CPN2: variants seen among roughly 807,000 people sequenced by gnomAD.
CPN2 encodes carboxypeptidase N 83 kDa chain.
For missense variants in CPN2, 620 were observed against 671.4 expected (o/e 0.92, Z 0.85); for synonymous variants, 336 against 318.4 (o/e 1.06, Z -0.59).
Position 194,349,823 on chromosome 3 carries a change from CAG to C in CPN2, c.-4+1417_-4+1418del, listed in dbSNP as rs1277838992. On this transcript the variant is annotated intron_variant, in intron 1 of 1. Transcript: ENST00000323830. Reference sequence around the variant, plus strand: ...TTTTTTTTTTTTTTTTTTTTTGAGACAGAGTTTCACTCTTGTTTCCCAGGCTG... The same window carrying C: ...TTTTTTTTTTTTTTTTTTTTTGAGACAGTTTCACTCTTGTTTCCCAGGCTG... Among the ~76,000 whole-genome samples, 195 of 71,456 alleles carry C rather than the reference CAG, an allele frequency of 2.7e-3. 6 individuals carry two copies. The highest frequency in any genetic ancestry group is 9.7e-3 in the African/African-American group (181 of 18,576). 46.9% of individuals were successfully genotyped at this position (71,456 alleles called of 152,430 possible).
At position 194,341,753 on chromosome 3, in the gene CPN2, G is replaced by T. The variant is rs1380930772; in HGVS notation, c.950C>A (p.Ser317Tyr). Residue 317 changes from serine to tyrosine, a missense_variant, in exon 2 of 2, where the codon TCC becomes TAC. Transcript: ENST00000323830. Reference sequence around the variant, plus strand: ...AATGGCATTGTATGAGAGCATGAGGGAACGCAGGTTGGACAGGTGGGCAAA... The same window carrying T: ...AATGGCATTGTATGAGAGCATGAGGTAACGCAGGTTGGACAGGTGGGCAAA... ...GTFAHLSNLR[S>Y]LMLSYNAITH... The T allele has an allele frequency of 3.7e-6, 6 of 1,614,122 alleles. No individual in the cohort carries two copies. Among genetic ancestry groups the T allele is most frequent in the Non-Finnish European group, 5.1e-6 (6 of 1,180,014 alleles).
At chr3:194,348,771 A>G (rs1042305331) in intron 1 of CPN2, among the ~76,000 whole-genome samples, 6 of 152,124 alleles carry the variant, frequency 3.9e-5, no homozygotes, top group African/African-American at 1.4e-4. Flanking sequence ...GCATGCTTGT[A>G]GTCTCAACTA....
chr3:194,349,647 G>A (rs1713186205), intron 1 of CPN2, among the ~76,000 whole-genome samples: 1 of 152,104 alleles, frequency 6.6e-6, no homozygotes, highest in Non-Finnish European at 1.5e-5. Flanking sequence ...TTCTGGAAGA[G>A]AAGACAGCTG....
At position 194,340,593 on chromosome 3, in the gene CPN2, C is replaced by G. The variant is rs1712764136; in HGVS notation, c.*472G>C. ...TTTCTGGTCATCTCTGCTTCTGTCA[C>G]ATCCTTTTTTTCTCTATACCAATTT... On this transcript the variant is annotated 3_prime_UTR_variant, in exon 2 of 2. Coordinates refer to ENST00000323830, the MANE Select transcript of CPN2 (RefSeq NM_001080513.4). 6.4e-6 allele frequency: 1 copy of G among 156,434 alleles called. No homozygotes were observed. 9.7% of individuals were successfully genotyped at this position (156,434 alleles called of 1,614,324 possible).
Position 194,341,497 on chromosome 3 carries a change from G to A in CPN2, c.1206C>T (p.His402=), listed in dbSNP as rs905953212. Residue 402 remains histidine, a synonymous_variant, in exon 2 of 2, where the codon CAC becomes CAT. Transcript: ENST00000323830. The part of the protein sequence containing the change: ...LHGNPWQCDC[H]LAYLFNWLQQ... ...GCAGCCAGTTGAAGAGGTAGGCCAG[G>A]TGGCAGTCGCACTGCCAGGGGTTAC... The A allele has an allele frequency of 8.7e-6, 14 of 1,614,242 alleles. No homozygotes were observed. The highest frequency in any genetic ancestry group is 1.2e-5 in the Non-Finnish European group (14 of 1,180,050).
chr3:194,348,311 C>T (rs369163330), intron 1 of CPN2, among the ~76,000 whole-genome samples: 6 of 145,362 alleles, frequency 4.1e-5, no homozygotes, highest in African/African-American at 1.5e-4. Context: ...CCACCCCATC[C>T]GCTGCCCAGT....
chr3:194,349,669 T>A (rs1049851410), intron 1 of CPN2, among the ~76,000 whole-genome samples: 1 of 151,178 alleles, frequency 6.6e-6, no homozygotes, highest in Non-Finnish European at 1.5e-5. Flanking sequence ...CAGGTTGAAC[T>A]AAGAGGCCGT....
At chr3:194,343,828 A>G (rs959668054) in intron 1 of CPN2, among the ~76,000 whole-genome samples, 20 of 152,234 alleles carry the variant, frequency 1.3e-4, no homozygotes, top group Non-Finnish European at 2.9e-5. Flanking sequence ...TAGAGTGAGT[A>G]ATTAATCAAC....
chr3:194,346,541 G>C (rs1017098772), intron 1 of CPN2, among the ~76,000 whole-genome samples: 2 of 152,196 alleles, frequency 1.3e-5, no homozygotes, highest in Non-Finnish European at 2.9e-5. Flanking sequence ...ACTCGGGAGT[G>C]GCTACGAGTC....
intron 1 of CPN2, among the ~76,000 whole-genome samples, chr3:194,347,003 C>T (rs1451661390): frequency 6.6e-6 from 1 of 152,174 alleles, no homozygotes; most frequent in Non-Finnish European, 1.5e-5. Context: ...CCAGCCTGGC[C>T]TCAAGAAAGC....
At chr3:194,343,583 A>C (rs1350240391) in intron 1 of CPN2, among the ~76,000 whole-genome samples, 1 of 152,212 alleles carries the variant, frequency 6.6e-6, no homozygotes, top group Non-Finnish European at 1.5e-5. Context: ...CCAGGCCGCC[A>C]CTGTTCCCAT....
At position 194,341,429 on chromosome 3, in the gene CPN2, G is replaced by A; in HGVS notation, c.1274C>T (p.Ala425Val). ...DRLLNIQTYC[A>V]GPAYLKGQVV... ...CTGGCCTTTGAGGTAGGCAGGGCCAGCGCAGTAGGTCTGGATGTTCAGGAG... is the reference window on the plus strand; with the variant it reads ...CTGGCCTTTGAGGTAGGCAGGGCCAACGCAGTAGGTCTGGATGTTCAGGAG... Residue 425 changes from alanine to valine, a missense_variant, in exon 2 of 2, where the codon GCT becomes GTT. Physicochemically the swap from Ala to Val is moderately conservative, Grantham distance 64. Coordinates refer to ENST00000323830, the MANE Select transcript of CPN2 (RefSeq NM_001080513.4). The A allele has an allele frequency of 1.9e-6, 3 of 1,614,200 alleles. No individual in the cohort carries two copies. The highest frequency in any genetic ancestry group is 2.5e-6 in the Non-Finnish European group (3 of 1,180,042).
At chr3:194,342,732 G>A (rs2108647449) in intron 1 of CPN2, 27 bp from the exon 2 acceptor site, 2 of 1,004,668 alleles carry the variant, frequency 2.0e-6, no homozygotes, top group South Asian at 1.5e-5. Flanking sequence ...AGAGAGAACA[G>A]GAAGAGAAAC....
intron 1 of CPN2, among the ~76,000 whole-genome samples, chr3:194,348,634 T>C (rs961543281): frequency 1.3e-5 from 2 of 152,212 alleles, no homozygotes; most frequent in African/African-American, 4.8e-5. Context: ...CTCATGCCTG[T>C]CATCCCAGCA....
rs1478187878 is a variant in CPN2, at chr3:194,341,714, G to C, written c.989C>G (p.Ala330Gly). The change falls in exon 2 of 2, where the codon GCT (alanine) becomes GGT (glycine). Residue 330 changes from alanine to glycine, a missense_variant. By Grantham distance (60) the Ala-to-Gly change is moderately conservative. Transcript: ENST00000323830. ...CTCCTCCAGGTCTCTGAAGATGCCA[G>C]CTGGGAGGTGGGTAATGGCATTGTA... ...LSYNAITHLP[A>G]GIFRDLEELV... 1.9e-6 allele frequency: 3 copies of C among 1,614,168 alleles called. No individual in the cohort carries two copies.
chr3:194,341,838 G>A lies in CPN2; in HGVS notation c.865C>T (p.Pro289Ser). The change falls in exon 2 of 2, where the codon CCG (proline) becomes TCG (serine). Residue 289 changes from proline to serine, a missense_variant. Transcript: ENST00000323830. ...GTCAGAGACAGGCCAACCAGGCACG[G>A]GGTGTGGGCAAAGAGGCCGGCAGGC... ...VLPAGLFAHT[P>S]CLVGLSLTHN... 11 of 1,613,996 alleles carry A rather than the reference G, an allele frequency of 6.8e-6. No homozygotes were observed. Among genetic ancestry groups the A allele is most frequent in the Non-Finnish European group, 9.3e-6 (11 of 1,179,852 alleles).
chr3:194,341,932 C>G lies in CPN2; in HGVS notation c.771G>C (p.Pro257=). 6.2e-7 allele frequency: 1 copy of G among 1,614,080 alleles called. No individual in the cohort carries two copies. The highest frequency in any genetic ancestry group is 8.5e-7 in the Non-Finnish European group (1 of 1,180,030). ...WLQRNAITHL[P]LSIFASLGNL... is the part of the protein sequence containing the mutation. ...TACCCAGGGAGGCAAAGATGGAGAG[C>G]GGCAGGTGCGTGATGGCGTTGCGTT... Residue 257 remains proline, a synonymous_variant, in exon 2 of 2, where the codon CCG becomes CCC. Transcript: ENST00000323830.
At chr3:194,351,060 C>T (rs1227835149) in intron 1 of CPN2, among the ~76,000 whole-genome samples, 182 bp downstream of exon 1, 1 of 152,204 alleles carries the variant, frequency 6.6e-6, no homozygotes, top group Admixed American at 6.5e-5. Context: ...TTCCTCCTGC[C>T]TCTTCCCAGC....
chr3:194,345,072 C>G (rs1378397438), intron 1 of CPN2, among the ~76,000 whole-genome samples: 1 of 152,242 alleles, frequency 6.6e-6, no homozygotes, highest in African/African-American at 2.4e-5. Context: ...TCCACCCTAA[C>G]ACTCAGCACA....
Sources: gnomAD v4.1 joint callset for allele counts (sites outside exome capture counted in the v4.1 genomes callset) on GRCh38, gnomAD v4.1.1 for gene constraint, MANE v1.5 for transcripts, NCBI Gene and HGNC (gene_info 2026-07-23, HGNC 2026-07-21) for gene names.